Variants in TTLL3 observed in about 807,000 individuals in gnomAD.
TTLL3 encodes tubulin tyrosine ligase like 3, also known as tubulin monoglycylase TTLL3.
TTLL3 carries 63 observed loss-of-function variants against 75.2 expected under a neutral mutation model. The observed-to-expected ratio is 0.84, with a 90% CI of 0.68 to 1.03. The LOEUF (loss-of-function observed/expected upper bound fraction) is 1.03. TTLL3 is among the 50% of genes least tolerant of loss of function. The pLI is 0.00. For missense variants in TTLL3, 997 were observed against 1,069.9 expected, an observed-to-expected ratio of 0.93 and a Z score of 0.95; for synonymous variants, 393 against 418.5, an observed-to-expected ratio of 0.94 and a Z score of 0.74.
Position 9,828,985 on chromosome 3 carries a change from A to C in TTLL3, c.1273A>C (p.Ile425Leu). 1 of 1,614,184 alleles carries C rather than the reference A, an allele frequency of 6.2e-7. No homozygotes were observed. The highest frequency in any genetic ancestry group is 1.1e-5 in the South Asian group (1 of 91,086). The change falls in exon 11 of 14, where the codon ATC (isoleucine) becomes CTC (leucine). Residue 425 changes from isoleucine to leucine, a missense_variant. Coordinates refer to ENST00000685419, the MANE Select transcript of TTLL3 (RefSeq NM_001387446.1). ...CTCAGTGCACCTGTGCAACAACTCC[A>C]TCCAGAAGCACCTGGAGAACTCATG... is the stretch of plus-strand genomic sequence containing the variant. ...DNSVHLCNNS[I>L]QKHLENSCHR...
intron 7 of TTLL3, chr3:9,819,393 T>G: frequency 6.2e-6 from 3 of 484,256 alleles, no homozygotes; most frequent in Non-Finnish European, 8.2e-6. Flanking sequence ...TCCCATCCGT[T>G]TGTTAGTTGA....
At chr3:9,810,042 G>C (rs1338594857), upstream of TTLL3, 1 of 1,332,616 alleles carries the variant, frequency 7.5e-7, no homozygotes, top group African/African-American at 1.7e-5. This position sits in a 1 kb window ranked among gnomAD's most constrained non-coding sequence, Gnocchi z 4.4. Flanking sequence ...TCCTGAGCGC[G>C]AGGGAGCTGG....
chr3:9,810,243 CGGCAGATGCCAGGCG>C, upstream of TTLL3: 3 of 1,508,848 alleles, frequency 2.0e-6, no homozygotes, highest in Non-Finnish European at 2.6e-6. The surrounding 1 kb of genome is among the most constrained non-coding windows in gnomAD (Gnocchi z 4.4). Context: ...GTCACGCAGG[CGGCAGATGCCAGGCG>C]GGCAGCCCCG....
chr3:9,825,509 T>C (rs561107311), intron 8 of TTLL3: 2 of 458,218 alleles, frequency 4.4e-6, no homozygotes, highest in African/African-American at 4.0e-5. Flanking sequence ...AAAGACAGTT[T>C]TAATGTAATA....
chr3:9,820,752 T>A lies in TTLL3; in HGVS notation c.854+11T>A. 6.2e-7 allele frequency: 1 copy of A among 1,613,440 alleles called. No individual in the cohort carries two copies. Among genetic ancestry groups the A allele is most frequent in the East Asian group, 2.2e-5 (1 of 44,864 alleles). ...CTACCAAGTGGTCCAGTGAGTCCCCTGCAGCTGGGACTTTGGGCTGTGGGC... is the reference window on the plus strand; with the variant it reads ...CTACCAAGTGGTCCAGTGAGTCCCCAGCAGCTGGGACTTTGGGCTGTGGGC... On this transcript the variant is annotated intron_variant, in intron 8 of 13. Transcript: ENST00000685419.
intron 6 of TTLL3, 129 bp from the exon 7 acceptor site, chr3:9,818,693 A>G (rs771303559): frequency 3.7e-4 from 575 of 1,546,486 alleles, no homozygotes; most frequent in Non-Finnish European, 4.8e-4. Context: ...TTCTAAACTC[A>G]GGCTCTAGAG....
upstream of TTLL3, chr3:9,810,012 G>A: frequency 2.3e-6 from 3 of 1,308,182 alleles, no homozygotes; most frequent in Non-Finnish European, 1.9e-6. This position sits in a 1 kb window ranked among gnomAD's most constrained non-coding sequence, Gnocchi z 4.4. Context: ...GGCGCATGCA[G>A]GGCCCCGACG....
At chr3:9,833,282 C>A (rs1349621850) in intron 12 of TTLL3, 37 bp downstream of exon 12, 1 of 1,611,024 alleles carries the variant, frequency 6.2e-7, no homozygotes, top group South Asian at 1.1e-5. Context: ...AGGTCAGCTT[C>A]TAGGAAAGGC....
intron 12 of TTLL3, chr3:9,834,244 T>G (rs896745583): frequency 5.3e-6 from 2 of 378,698 alleles, no homozygotes; most frequent in African/African-American, 4.2e-5. Flanking sequence ...CCCAGGTTGC[T>G]CTCTCCAGCG....
At chr3:9,812,586 C>T (rs905638351) in intron 2 of TTLL3, among the ~76,000 whole-genome samples, 10 of 151,996 alleles carry the variant, frequency 6.6e-5, no homozygotes, top group African/African-American at 2.2e-4. Context: ...GCAAGAGAAT[C>T]GCTTGAACCC....
chr3:9,824,983 C>T (rs1189806100), intron 8 of TTLL3, among the ~76,000 whole-genome samples: 3 of 151,740 alleles, frequency 2.0e-5, no homozygotes, highest in South Asian at 2.1e-4. Flanking sequence ...TCAGGTGATC[C>T]GCCTGCCTCC....
rs1372001582 is a variant in TTLL3, at chr3:9,810,980, T to TCTTGATCTCGGTTGGGCACC, written c.48+274_48+293dup. On this transcript the variant is annotated intron_variant, in intron 2 of 13. Transcript: ENST00000685419. The surrounding 1 kb of genome is among the most constrained non-coding windows in gnomAD (Gnocchi z 4.4). Reference sequence around the variant, plus strand: ...AGCCAAACCCAGCAGTGCCTTTCGGTCTTGATCTCGGTTGGGCACCCTGTA... The same window carrying TCTTGATCTCGGTTGGGCACC: ...AGCCAAACCCAGCAGTGCCTTTCGGTCTTGATCTCGGTTGGGCACCCTTGATCTCGGTTGGGCACCCTGTA... Among the ~76,000 whole-genome samples the TCTTGATCTCGGTTGGGCACC allele has an allele frequency of 2.0e-5, 3 of 152,032 alleles. No homozygotes were observed. The highest frequency in any genetic ancestry group is 7.2e-5 in the African/African-American group (3 of 41,386).
intron 11 of TTLL3, among the ~76,000 whole-genome samples, chr3:9,832,080 ATTTT>A (rs34646268): frequency 2.2e-4 from 19 of 84,802 alleles, no homozygotes; most frequent in South Asian, 1.2e-3. Context: ...CAATAGCTGC[ATTTT>A]TTTTTTTTTT....
At chr3:9,827,590 G>T in intron 10 of TTLL3, 1 of 272,058 alleles carries the variant, frequency 3.7e-6, no homozygotes, top group South Asian at 4.3e-5. Flanking sequence ...GTAGACATGG[G>T]GTCTCACTAT....
At chr3:9,820,107 TG>T in intron 7 of TTLL3, 1 of 1,000,742 alleles carries the variant, frequency 1.0e-6, no homozygotes, top group Non-Finnish European at 1.2e-6. Context: ...GTTGTAGCTC[TG>T]TATCAGGATT....
chr3:9,822,002 CAA>C (rs1197157115), intron 8 of TTLL3, among the ~76,000 whole-genome samples: 9 of 50,080 alleles, frequency 1.8e-4, no homozygotes, highest in East Asian at 1.4e-3. Context: ...GACTCCGTCT[CAA>C]AAAAAAAAAA....
chr3:9,825,637 A>T, intron 8 of TTLL3, 163 bp from the exon 9 acceptor site: 1 of 1,304,400 alleles, frequency 7.7e-7, no homozygotes, highest in South Asian at 1.3e-5. Context: ...GGTGGCTTGA[A>T]GGTGGGGCCG....
Position 9,829,067 on chromosome 3 carries a change from C to G in TTLL3, c.1355C>G (p.Ala452Gly). 10 of 1,614,252 alleles carry G rather than the reference C, an allele frequency of 6.2e-6. No individual in the cohort carries two copies. The highest frequency in any genetic ancestry group is 8.5e-6 in the Non-Finnish European group (10 of 1,180,052). ...ATGTGGTCTAGCCAGAGGTTCCAGGCCCACCTGCAGGAGATGGGTGCCCCA... is the reference window on the plus strand; with the variant it reads ...ATGTGGTCTAGCCAGAGGTTCCAGGGCCACCTGCAGGAGATGGGTGCCCCA... Reference protein sequence around the residue: ...DNMWSSQRFQAHLQEMGAPNA... With the variant: ...DNMWSSQRFQGHLQEMGAPNA... The change falls in exon 11 of 14, where the codon GCC becomes GGC. Residue 452 changes from alanine (A) to glycine (G), a missense_variant. By Grantham distance (60) the Ala-to-Gly change is moderately conservative. Transcript: ENST00000685419.
At chr3:9,822,871 A>T (rs1455720609) in intron 8 of TTLL3, among the ~76,000 whole-genome samples, 7 of 147,752 alleles carry the variant, frequency 4.7e-5, no homozygotes, top group African/African-American at 7.4e-5. Flanking sequence ...GGCCTCCCGA[A>T]GTGCTGGGAT....
Sources: gnomAD v4.1 joint callset for allele counts (sites outside exome capture counted in the v4.1 genomes callset) on GRCh38, gnomAD v4.1.1 for gene constraint, Gnocchi (gnomAD v3.1) non-coding constraint, MANE v1.5 for transcripts, NCBI Gene and HGNC (gene_info 2026-07-23, HGNC 2026-07-21) for gene names.